Variants in TRAF3IP1 observed in about 807,000 individuals in gnomAD.
TRAF3IP1 encodes TRAF3-interacting protein 1.
A neutral mutation model predicts 89.9 loss-of-function variants in TRAF3IP1; 53 were observed. The ratio of observed to expected loss-of-function variants is 0.59; its 90% CI spans 0.47 to 0.74. TRAF3IP1 has a LOEUF of 0.74. Among genes scored for constraint, TRAF3IP1 ranks in the 30% least tolerant of loss-of-function variants. The pLI is 0.00. For missense variants in TRAF3IP1, 806 were observed against 866.1 expected, an observed-to-expected ratio of 0.93 and a Z score of 0.87; for synonymous variants, 311 against 322.1, an observed-to-expected ratio of 0.97 and a Z score of 0.37.
chr2:238,348,753 C>A lies in TRAF3IP1; in HGVS notation c.1283-11C>A, dbSNP rs1454408463. The stretch of plus-strand genomic sequence containing the variant: ...CCTTTGTGAATTGCTAATTGATTGT[C>A]ATTTGTTTAGAAGGAGATGCTGGAC... On this transcript the variant is annotated splice_polypyrimidine_tract_variant and intron_variant, in intron 10 of 16. Transcript: ENST00000373327. 1.2e-6 allele frequency: 2 copies of A among 1,612,554 alleles called. No individual in the cohort carries two copies. Among genetic ancestry groups the A allele is most frequent in the South Asian group, 1.1e-5 (1 of 90,978 alleles).
chr2:238,372,334 T>C (rs529675803), intron 15 of TRAF3IP1, among the ~76,000 whole-genome samples: 48 of 152,112 alleles, frequency 3.2e-4, no homozygotes, highest in African/African-American at 1.2e-3. Context: ...CCTGTGTCCA[T>C]GTGTTCTCAT....
chr2:238,322,025 C>T (rs1293497355), intron 1 of TRAF3IP1, among the ~76,000 whole-genome samples: 1 of 152,264 alleles, frequency 6.6e-6, no homozygotes, highest in Non-Finnish European at 1.5e-5. Flanking sequence ...GCCTCGCCAG[C>T]CCTGGTCATG....
intron 15 of TRAF3IP1, among the ~76,000 whole-genome samples, chr2:238,382,495 A>C (rs1390416130): frequency 6.6e-6 from 1 of 152,216 alleles, no homozygotes; most frequent in African/African-American, 2.4e-5. Context: ...TTTATATAGC[A>C]GCTTAAGTTG....
chr2:238,390,646 A>C (rs1454119031), intron 15 of TRAF3IP1, among the ~76,000 whole-genome samples: 3 of 152,186 alleles, frequency 2.0e-5, no homozygotes, highest in African/African-American at 7.2e-5. Context: ...CTGGGGAATA[A>C]ATTTACGATA....
At chr2:238,368,564 T>C (rs1699980244) in intron 15 of TRAF3IP1, among the ~76,000 whole-genome samples, 1 of 152,212 alleles carries the variant, frequency 6.6e-6, no homozygotes, top group East Asian at 1.9e-4. Context: ...GCTTGTATTA[T>C]ACCAGGCTTT....
chr2:238,373,601 G>A (rs1429115791), intron 15 of TRAF3IP1, among the ~76,000 whole-genome samples: 2 of 152,176 alleles, frequency 1.3e-5, no homozygotes, highest in African/African-American at 4.8e-5. Context: ...GCTTAGGATC[G>A]TCTTGGCAAT....
At chr2:238,365,212 T>TACTATA (rs1158101959) in intron 15 of TRAF3IP1, among the ~76,000 whole-genome samples, 1 of 152,186 alleles carries the variant, frequency 6.6e-6, no homozygotes, top group Non-Finnish European at 1.5e-5. Context: ...TCATCACAAA[T>TACTATA]ACTATAACTC....
Position 238,377,230 on chromosome 2 carries a change from CT to C in TRAF3IP1, c.1690-20206del, listed in dbSNP as rs71402784. 1.4e-3 allele frequency among the ~76,000 whole-genome samples: 120 copies of C among 86,698 alleles called. 1 individual carries two copies. The highest frequency in any genetic ancestry group is 3.3e-3 in the African/African-American group (69 of 21,180). The allele number at this position is 86,698 out of a possible 152,430, so 56.9% of individuals were successfully genotyped here. A position where few individuals can be genotyped will look rare whatever the true frequency, so the allele number is the denominator to read the frequency against. On this transcript the variant is annotated intron_variant, in intron 15 of 16. Transcript: ENST00000373327. ...CCTCGTTTCCTTCCTTCCTGATTTT[CT>C]TTTTTTTTTTTTTTTTTTTTTTGAG...
rs893320063 is a variant in TRAF3IP1 at position 238,320,570 on chromosome 2, C to G, written c.-93C>G. 1.5e-5 allele frequency: 16 copies of G among 1,052,538 alleles called. No homozygotes were observed. In the African/African-American group the frequency reaches 2.6e-4, roughly 17 times the overall value. The allele number at this position is 1,052,538 out of a possible 1,614,324, so 65.2% of individuals were successfully genotyped here. A position where few individuals can be genotyped will look rare whatever the true frequency, so the allele number is the denominator to read the frequency against. ...GCGTCCTGGCAGGACCGGGCGGCGG[C>G]GGCGGCGGGGCCGGCGGCGGCCAGG... On this transcript the variant is annotated 5_prime_UTR_variant, in exon 1 of 17. Transcript: ENST00000373327.
chr2:238,368,070 GA>G (rs1699962075), intron 15 of TRAF3IP1, among the ~76,000 whole-genome samples: 3 of 151,952 alleles, frequency 2.0e-5, no homozygotes, highest in Non-Finnish European at 4.4e-5. Context: ...ACTGTTGTGA[GA>G]CACACATGTA....
chr2:238,331,906 A>G (rs1698145751), intron 5 of TRAF3IP1, among the ~76,000 whole-genome samples: 1 of 152,150 alleles, frequency 6.6e-6, no homozygotes, highest in South Asian at 2.1e-4. Context: ...ATTTCTGTCT[A>G]GTAGAGAGGC....
chr2:238,390,615 G>A (rs1700953664), intron 15 of TRAF3IP1, among the ~76,000 whole-genome samples: 1 of 152,174 alleles, frequency 6.6e-6, no homozygotes, highest in African/African-American at 2.4e-5. Flanking sequence ...TGTCCTGGGG[G>A]CACTTGCAAC....
At position 238,345,840 on chromosome 2, in the gene TRAF3IP1, T is replaced by A. The variant is rs1698867859; in HGVS notation, c.1261+1242T>A. Reference sequence around the variant, plus strand: ...AGGACGAGATTGTGAGTGCAGGAGCTGGCAGAGCACTGGCGCTGTGGAAGC... The same window carrying A: ...AGGACGAGATTGTGAGTGCAGGAGCAGGCAGAGCACTGGCGCTGTGGAAGC... On this transcript the variant is annotated intron_variant, in intron 9 of 16. Transcript: ENST00000373327. The surrounding 1 kb of genome is among the most constrained non-coding windows in gnomAD (Gnocchi z 4.7). Among the ~76,000 whole-genome samples the A allele has an allele frequency of 6.6e-6, 1 of 152,064 alleles. No homozygotes were observed.
intron 15 of TRAF3IP1, among the ~76,000 whole-genome samples, chr2:238,371,915 T>C (rs1700127621): frequency 6.6e-6 from 1 of 152,140 alleles, no homozygotes; most frequent in Non-Finnish European, 1.5e-5. Flanking sequence ...GCAGCATTGG[T>C]ATAGGTGAAA....
chr2:238,347,464 C>T lies in TRAF3IP1; in HGVS notation c.1271C>T (p.Thr424Ile), dbSNP rs377236383. 6.2e-7 allele frequency: 1 copy of T among 1,613,998 alleles called. No individual in the cohort carries two copies. The highest frequency in any genetic ancestry group is 8.5e-7 in the Non-Finnish European group (1 of 1,179,980). Residue 424 changes from threonine to isoleucine, a missense_variant, in exon 10 of 17, where the codon ACC (threonine) becomes ATC (isoleucine). Physicochemically the swap from Thr to Ile is moderately conservative, Grantham distance 89 (BLOSUM62 -1). This residue lies in a region of TRAF3IP1 where 732 missense variants were observed against 780.5 expected (regional missense o/e 0.94). Transcript: ENST00000373327. Reference sequence around the variant, plus strand: ...TGTGCTTTTTCTTTAGGTGACTCCACCAGTGATGCAGGTGAGGAATGGCCT... The same window carrying T: ...TGTGCTTTTTCTTTAGGTGACTCCATCAGTGATGCAGGTGAGGAATGGCCT... Reference protein sequence around the residue: ...NPTEKQKGDSTSDAEGDAGPA... With the variant: ...NPTEKQKGDSISDAEGDAGPA...
At chr2:238,325,223 T>C in intron 1 of TRAF3IP1, 83 bp from the exon 2 acceptor site, 1 of 1,324,086 alleles carries the variant, frequency 7.6e-7, no homozygotes, top group East Asian at 2.3e-5. Flanking sequence ...TTCTGACATC[T>C]CCCAAGTGTG....
chr2:238,377,419 G>T (rs1700367759), intron 15 of TRAF3IP1, among the ~76,000 whole-genome samples: 2 of 150,770 alleles, frequency 1.3e-5, no homozygotes, highest in Admixed American at 6.6e-5. Flanking sequence ...CCCCCCCACT[G>T]TGGGGCTTGG....
intron 7 of TRAF3IP1, among the ~76,000 whole-genome samples, chr2:238,334,959 G>A (rs926046028): frequency 6.6e-6 from 1 of 152,178 alleles, no homozygotes; most frequent in Non-Finnish European, 1.5e-5. Context: ...AAACAAAAAC[G>A]TTGATGACCA....
intron 5 of TRAF3IP1, among the ~76,000 whole-genome samples, chr2:238,331,152 C>T (rs1416508971): frequency 6.6e-6 from 1 of 151,932 alleles, no homozygotes; most frequent in African/African-American, 2.4e-5. Flanking sequence ...TAGAGAGAAA[C>T]CATTCCAAAG....
Sources: allele counts gnomAD v4.1 joint callset (sites outside exome capture counted in the v4.1 genomes callset), GRCh38; gene constraint gnomAD v4.1.1; regional missense constraint gnomAD v4.1.1; non-coding constraint Gnocchi (gnomAD v3.1); transcripts MANE v1.5; gene names NCBI Gene and HGNC (gene_info 2026-07-23, HGNC 2026-07-21).